The following SRM variants were observed in gnomAD, a reference collection of about 807,000 sequenced individuals.
SRM encodes spermidine synthase, also known as putrescine aminopropyltransferase.
SRM carries 14 observed loss-of-function variants against 39.3 expected under a neutral mutation model. The ratio of observed to expected loss-of-function variants is 0.36; its 90% confidence interval spans 0.24 to 0.56. The LOEUF is 0.56. Among genes scored for constraint, SRM ranks in the 20% least tolerant of loss-of-function variants. The pLI is 0.86. For synonymous variants in SRM, 195 were observed against 173.1 expected (o/e 1.13, Z -0.99); for missense variants, 244 against 409.2 (o/e 0.60, Z 3.48).
chr1:11,056,257 C>A (rs542000586), intron 4 of SRM, among the ~76,000 whole-genome samples, 163 bp from the exon 5 acceptor site: 27 of 152,298 alleles, frequency 1.8e-4, no homozygotes, highest in South Asian at 1.7e-3. Context: ...GGCACCACAG[C>A]AGAGGAACCT....
rs1557682566 is a variant in SRM, at chr1:11,055,744, TCCC to T, written c.765+34_765+36del. The T allele has an allele frequency of 7.5e-6, 10 of 1,336,822 alleles. No homozygotes were observed. The East Asian group carries it at 2.7e-4, about 36-fold the overall frequency. 82.8% of individuals were successfully genotyped at this position (1,336,822 alleles called of 1,614,324 possible). On this transcript the variant is annotated intron_variant, in intron 6 of 7. Coordinates refer to ENST00000376957, the MANE Select transcript of SRM (RefSeq NM_003132.3). The stretch of plus-strand genomic sequence containing the variant: ...CAGGGATCTCTATTTATGCCCACCT[TCCC>T]CCCAACCCCCACCCCCAGACACCCC...
rs1215292405 is a variant in SRM, at chr1:11,055,280, TG to T, written c.766-197del. On this transcript the variant is annotated intron_variant, in intron 6 of 7. Coordinates refer to ENST00000376957, the MANE Select transcript of SRM (RefSeq NM_003132.3). The stretch of plus-strand genomic sequence containing the variant: ...ACGCCCGGCTAATTTTTTTTTTTTT[TG>T]TATTTTGAGTAGTGATGGGGTTTCT... 1.2e-5 allele frequency: 9 copies of T among 738,258 alleles called. No homozygotes were observed. In the East Asian group the frequency reaches 2.7e-4, roughly 22 times the overall value. 45.7% of individuals were successfully genotyped at this position (738,258 alleles called of 1,614,324 possible).
chr1:11,060,013 A>C lies in SRM; in HGVS notation c.-70T>G, dbSNP rs1478458486. Reference sequence around the variant, plus strand: ...CCGCGCGGCGCCGCAGCACAACGGGACCAGCTCCGCCCGCCGCCCGCGCCG... The same window carrying C: ...CCGCGCGGCGCCGCAGCACAACGGGCCCAGCTCCGCCCGCCGCCCGCGCCG... On this transcript the variant is annotated 5_prime_UTR_variant, in exon 1 of 8. Coordinates refer to ENST00000376957, the MANE Select transcript of SRM (RefSeq NM_003132.3). 2 of 828,320 alleles carry C rather than the reference A, an allele frequency of 2.4e-6. No individual in the cohort carries two copies. Among genetic ancestry groups the C allele is most frequent in the Admixed American group, 1.3e-4 (2 of 15,522 alleles). The allele number at this position is 828,320 out of a possible 1,614,324, so 51.3% of individuals were successfully genotyped here. A position where few individuals can be genotyped will look rare whatever the true frequency, so the allele number is the denominator to read the frequency against.
intron 3 of SRM, 73 bp downstream of exon 3, chr1:11,058,727 G>C: frequency 7.4e-7 from 1 of 1,349,044 alleles, no homozygotes. Context: ...GCTCGGGGGT[G>C]TGCAGCCATT....
At chr1:11,055,966 C>T (rs756556003) in intron 5 of SRM, 40 bp from the exon 6 acceptor site, 1 of 1,589,246 alleles carries the variant, frequency 6.3e-7, no homozygotes, top group Non-Finnish European at 8.6e-7. Context: ...AGGGCCTGCC[C>T]TGCCCCACCC....
rs1465769553 is a variant in SRM at position 11,059,849 on chromosome 1, G to A, written c.95C>T (p.Ala32Val). ...RETCSLWPGQ[A>V]LSLQVEQLLH... The stretch of plus-strand genomic sequence containing the variant: ...CAGCTGCTCCACCTGCAGTGACAGG[G>A]CCTGGCCGGGCCACAGGCTGCAGGT... The change falls in exon 1 of 8, where the codon GCC (alanine) becomes GTC (valine). Residue 32 changes from alanine (A) to valine (V), a missense_variant. Physicochemically the swap from Ala to Val is moderately conservative, Grantham distance 64 (BLOSUM62 0). Transcript: ENST00000376957. 2 of 1,562,282 alleles carry A rather than the reference G, an allele frequency of 1.3e-6. No individual in the cohort carries two copies. The highest frequency in any genetic ancestry group is 1.4e-5 in the African/African-American group (1 of 70,610).
At position 11,054,847 on chromosome 1, in the gene SRM, C is replaced by T; in HGVS notation, c.*18G>A. The stretch of plus-strand genomic sequence containing the variant: ...CAAGGTCCGAGGTCCTGGGTGGCAT[C>T]AGTGGTGGCGCCTGGGCTCAGCTCA... On this transcript the variant is annotated 3_prime_UTR_variant, in exon 8 of 8. Coordinates refer to ENST00000376957, the MANE Select transcript of SRM (RefSeq NM_003132.3). This position sits in a 1 kb window ranked among gnomAD's most constrained non-coding sequence, Gnocchi z 4.8. 1 of 1,598,084 alleles carries T rather than the reference C, an allele frequency of 6.3e-7. No individual in the cohort carries two copies. The highest frequency in any genetic ancestry group is 8.5e-7 in the Non-Finnish European group (1 of 1,170,878).
chr1:11,059,108 C>T (rs1426870941), intron 2 of SRM, 117 bp downstream of exon 2: 12 of 1,541,748 alleles, frequency 7.8e-6, no homozygotes, highest in Non-Finnish European at 1.1e-5. Flanking sequence ...CTCCGCGGGA[C>T]GCCCCTGGCC....
At chr1:11,056,779 A>C in intron 3 of SRM, 22 bp from the exon 4 acceptor site, 1 of 1,613,746 alleles carries the variant, frequency 6.2e-7, no homozygotes, top group Non-Finnish European at 8.5e-7. Flanking sequence ...GGGAGGGACC[A>C]GTCTGGGCCA....
Position 11,059,894 on chromosome 1 carries a change from C to A in SRM, c.50G>T (p.Arg17Leu). 2 of 1,445,600 alleles carry A rather than the reference C, an allele frequency of 1.4e-6. No individual in the cohort carries two copies. The highest frequency in any genetic ancestry group is 1.8e-6 in the Non-Finnish European group (2 of 1,100,498). The allele number at this position is 1,445,600 out of a possible 1,614,324, so 89.5% of individuals were successfully genotyped here. Residue 17 changes from arginine to leucine, a missense_variant, in exon 1 of 8, where the codon CGC (arginine) becomes CTC (leucine). By Grantham distance (102) the Arg-to-Leu change is moderately radical. Coordinates refer to ENST00000376957, the MANE Select transcript of SRM (RefSeq NM_003132.3). ...GPAASGPAAI[R>L]EGWFRETCSL... ...GCAGGTCTCGCGGAACCAGCCCTCG[C>A]GGATGGCGGCGGGGCCGGAGGCGGC...
rs57844337 is a variant in SRM at position 11,058,040 on chromosome 1, A to G, written c.381+760T>C. Reference sequence around the variant, plus strand: ...GTGATCTGCCCGCCTTGGCGTCCCAAAGTGCTGGGATTACAGGTGTGAGCC... The same window carrying G: ...GTGATCTGCCCGCCTTGGCGTCCCAGAGTGCTGGGATTACAGGTGTGAGCC... On this transcript the variant is annotated intron_variant, in intron 3 of 7. Coordinates refer to ENST00000376957, the MANE Select transcript of SRM (RefSeq NM_003132.3). 6.9e-3 allele frequency among the ~76,000 whole-genome samples: 1,046 copies of G among 151,306 alleles called. 12 individuals carry two copies. Among genetic ancestry groups the G allele is most frequent in the African/African-American group, 0.024 (987 of 41,244 alleles).
At chr1:11,059,165 G>A in intron 2 of SRM, 60 bp downstream of exon 2, 2 of 1,609,238 alleles carry the variant, frequency 1.2e-6, no homozygotes, top group Non-Finnish European at 1.7e-6. Context: ...TCTGGGAAGA[G>A]CCCGGAGCAC....
rs768199271 is a variant in SRM at position 11,056,715 on chromosome 1, T to C, written c.424A>G (p.Ile142Val). The stretch of plus-strand genomic sequence containing the variant: ...GTCAGCTTCGAGCTAGAGTAGCCAA[T>C]GGCCATGCCTGGCAGGAACTTCTTG... The part of the protein sequence containing the change: ...VSKKFLPGMA[I>V]GYSSSKLTLH... The change falls in exon 4 of 8, where the codon ATT (isoleucine) becomes GTT (valine). Residue 142 changes from isoleucine to valine, a missense_variant. Physicochemically the swap from Ile to Val is conservative, Grantham distance 29. Transcript: ENST00000376957. 2.5e-6 allele frequency: 4 copies of C among 1,614,112 alleles called. No homozygotes were observed. The highest frequency in any genetic ancestry group is 2.2e-5 in the East Asian group (1 of 44,874).
chr1:11,059,965 G>A lies in SRM; in HGVS notation c.-22C>T, dbSNP rs1199360956. On this transcript the variant is annotated 5_prime_UTR_variant, in exon 1 of 8. Coordinates refer to ENST00000376957, the MANE Select transcript of SRM (RefSeq NM_003132.3). ...CCATGGCGGGCGGGCGGGCGGCGCG[G>A]GGCGCGGGCCCGGGACTGCAGGCCG... 1 of 990,762 alleles carries A rather than the reference G, an allele frequency of 1.0e-6. No homozygotes were observed. Among genetic ancestry groups the A allele is most frequent in the Non-Finnish European group, 1.2e-6 (1 of 834,394 alleles). The allele number at this position is 990,762 out of a possible 1,614,324, so 61.4% of individuals were successfully genotyped here. A position where few individuals can be genotyped will look rare whatever the true frequency, so the allele number is the denominator to read the frequency against.
chr1:11,056,684 T>G lies in SRM; in HGVS notation c.455A>C (p.His152Pro). 6.2e-7 allele frequency: 1 copy of G among 1,614,044 alleles called. No individual in the cohort carries two copies. Among genetic ancestry groups the G allele is most frequent in the South Asian group, 1.1e-5 (1 of 91,080 alleles). Residue 152 changes from histidine to proline, a missense_variant, in exon 4 of 8, where the codon CAT becomes CCT. Physicochemically the swap from His to Pro is moderately conservative, Grantham distance 77. Coordinates refer to ENST00000376957, the MANE Select transcript of SRM (RefSeq NM_003132.3). Reference protein sequence around the residue: ...IGYSSSKLTLHVGDGFEFMKQ... With the variant: ...IGYSSSKLTLPVGDGFEFMKQ... ...CATGAACTCAAAACCGTCACCCACA[T>G]GTAGGGTCAGCTTCGAGCTAGAGTA...
intron 3 of SRM, 62 bp from the exon 4 acceptor site, chr1:11,056,819 C>G: frequency 1.3e-6 from 2 of 1,577,174 alleles, no homozygotes; most frequent in Non-Finnish European, 1.7e-6. Context: ...GCCAGCACAG[C>G]CACGTGGGAC....
intron 6 of SRM, 23 bp downstream of exon 6, chr1:11,055,758 A>AAAC: frequency 2.7e-6 from 2 of 748,332 alleles, no homozygotes; most frequent in East Asian, 4.2e-5. Flanking sequence ...CCCAACCCCC[A>AAAC]CCCCCAGACA....
At chr1:11,056,509 G>A (rs1489198428) in intron 4 of SRM, 95 bp downstream of exon 4, 4 of 1,462,228 alleles carry the variant, frequency 2.7e-6, no homozygotes, top group Non-Finnish European at 3.7e-6. Flanking sequence ...TTCGGGGGGT[G>A]GGAGGCCGCT....
At chr1:11,058,134 T>C (rs1638912043) in intron 3 of SRM, among the ~76,000 whole-genome samples, 1 of 152,168 alleles carries the variant, frequency 6.6e-6, no homozygotes, top group African/African-American at 2.4e-5. Flanking sequence ...GACTGATCTG[T>C]CGTCTACCAC....
Sources: allele counts gnomAD v4.1 joint callset (sites outside exome capture counted in the v4.1 genomes callset), GRCh38; gene constraint gnomAD v4.1.1; non-coding constraint Gnocchi (gnomAD v3.1); transcripts MANE v1.5; gene names NCBI Gene and HGNC (gene_info 2026-07-23, HGNC 2026-07-21).